The following CABCOCO1 variants were observed in gnomAD, a reference collection of about 807,000 sequenced individuals.
CABCOCO1 encodes the protein ciliary-associated calcium-binding coiled-coil protein 1.
In CABCOCO1, 28 loss-of-function variants were observed where a neutral mutation model predicts 35.7. The observed-to-expected ratio is 0.78, with a 90% confidence interval of 0.58 to 1.07. The LOEUF is 1.07. Among genes scored for constraint, CABCOCO1 ranks in the 50% least tolerant of loss-of-function variants. The pLI is 0.00. For synonymous variants in CABCOCO1, 95 were observed against 100.1 expected (o/e 0.95, Z 0.30); for missense variants, 326 against 309.2 (o/e 1.05, Z -0.41).
chr10:61,733,438 GGA>G (rs1286841489), intron 5 of CABCOCO1, among the ~76,000 whole-genome samples: 1 of 152,008 alleles, frequency 6.6e-6, no homozygotes, highest in Non-Finnish European at 1.5e-5. Context: ...TTCTAATCCA[GGA>G]GAAGGACTCA....
intron 5 of CABCOCO1, among the ~76,000 whole-genome samples, chr10:61,697,781 C>T (rs967673054): frequency 6.6e-5 from 10 of 152,008 alleles, no homozygotes; most frequent in Non-Finnish European, 2.9e-5. Context: ...AACTTATTAA[C>T]ATATTGATAG....
At chr10:61,719,767 A>G (rs1840954432) in intron 5 of CABCOCO1, among the ~76,000 whole-genome samples, 1 of 151,970 alleles carries the variant, frequency 6.6e-6, no homozygotes, top group African/African-American at 2.4e-5. Flanking sequence ...CAGAAATACA[A>G]AAAATTAGCT....
chr10:61,715,776 G>T (rs1370860573), intron 5 of CABCOCO1, among the ~76,000 whole-genome samples: 1 of 152,094 alleles, frequency 6.6e-6, no homozygotes, highest in African/African-American at 2.4e-5. Flanking sequence ...ATGAAGCTTA[G>T]TTTGGCTGGA....
intron 5 of CABCOCO1, among the ~76,000 whole-genome samples, chr10:61,706,426 A>G (rs1017311911): frequency 6.6e-6 from 1 of 152,202 alleles, no homozygotes; most frequent in African/African-American, 2.4e-5. Flanking sequence ...AATGTTCCTT[A>G]AGATAAACTC....
intron 5 of CABCOCO1, among the ~76,000 whole-genome samples, chr10:61,716,578 G>T (rs982816464): frequency 2.0e-5 from 3 of 152,034 alleles, no homozygotes; most frequent in Non-Finnish European, 4.4e-5. Flanking sequence ...CCCCTAAACT[G>T]AAAATAGCTC....
chr10:61,667,567 T>C (rs992773737), intron 1 of CABCOCO1, among the ~76,000 whole-genome samples: 1 of 151,784 alleles, frequency 6.6e-6, no homozygotes, highest in South Asian at 2.1e-4. Flanking sequence ...TCAAGTCTTG[T>C]TCTTGAAATT....
intron 5 of CABCOCO1, among the ~76,000 whole-genome samples, chr10:61,705,098 GA>G (rs1232660806): frequency 6.6e-6 from 1 of 152,132 alleles, no homozygotes; most frequent in Non-Finnish European, 1.5e-5. Context: ...TAAAGTTATG[GA>G]GAGAGGTGCT....
chr10:61,700,486 C>T lies in CABCOCO1; in HGVS notation c.552+9865C>T, dbSNP rs188489194. ...GTAGATTCAACAAAAATCAAATTCT[C>T]GAAAATTAAAATGAAACCATTGGCT... is the stretch of plus-strand genomic sequence containing the variant. On this transcript the variant is annotated intron_variant, in intron 5 of 7. Transcript: ENST00000648843. Among the ~76,000 whole-genome samples the T allele has an allele frequency of 2.0e-4, 31 of 152,004 alleles. No homozygotes were observed. The South Asian group carries it at 2.7e-3, about 13-fold the overall frequency.
intron 5 of CABCOCO1, among the ~76,000 whole-genome samples, chr10:61,703,371 T>C (rs891755647): frequency 1.3e-5 from 2 of 151,940 alleles, no homozygotes; most frequent in African/African-American, 4.8e-5. Flanking sequence ...GGGACTTTCA[T>C]ATAAAAAGAT....
intron 4 of CABCOCO1, among the ~76,000 whole-genome samples, chr10:61,686,930 T>C (rs1839983386): frequency 6.6e-6 from 1 of 152,208 alleles, no homozygotes; most frequent in African/African-American, 2.4e-5. Context: ...GGTTAAAATC[T>C]TTTGTCAAGC....
Position 61,709,686 on chromosome 10 carries a change from T to A in CABCOCO1, c.552+19065T>A, listed in dbSNP as rs577735331. On this transcript the variant is annotated intron_variant, in intron 5 of 7. Transcript: ENST00000648843. ...TGTTTGCCTGACTTACTTGTCCCCC[T>A]CAAATTTAAAAAAAAAAAAATGTAT... is the stretch of plus-strand genomic sequence containing the variant. Among the ~76,000 whole-genome samples the A allele has an allele frequency of 2.2e-3, 319 of 146,378 alleles. 3 individuals are homozygous for A. The highest frequency in any genetic ancestry group is 7.5e-3 in the African/African-American group (290 of 38,672).
At chr10:61,717,684 T>C (rs1437859028) in intron 5 of CABCOCO1, among the ~76,000 whole-genome samples, 1 of 152,074 alleles carries the variant, frequency 6.6e-6, no homozygotes, top group Non-Finnish European at 1.5e-5. Context: ...TTTAGGAAAT[T>C]AACAGGAAAG....
chr10:61,704,581 G>T (rs2132020568), intron 5 of CABCOCO1, among the ~76,000 whole-genome samples: 1 of 152,280 alleles, frequency 6.6e-6, no homozygotes, highest in African/African-American at 2.4e-5. Flanking sequence ...GACAGCTTGA[G>T]TGAAATATCA....
At chr10:61,721,692 T>G (rs1418356082) in intron 5 of CABCOCO1, among the ~76,000 whole-genome samples, 3 of 152,188 alleles carry the variant, frequency 2.0e-5, no homozygotes, top group Non-Finnish European at 4.4e-5. Context: ...CCCACCATTT[T>G]ACTTCCTGCT....
At chr10:61,680,523 T>TAA (rs1564532361) in intron 2 of CABCOCO1, among the ~76,000 whole-genome samples, 5 of 136,580 alleles carry the variant, frequency 3.7e-5, no homozygotes, top group Admixed American at 7.7e-5. Context: ...ATATAACATA[T>TAA]TATATGTTAT....
At chr10:61,720,917 CTTTTTT>C (rs71018996) in intron 5 of CABCOCO1, among the ~76,000 whole-genome samples, 3 of 65,974 alleles carry the variant, frequency 4.5e-5, no homozygotes, top group South Asian at 6.4e-4. Context: ...TCTTTTCATT[CTTTTTT>C]TTTTTTTTTT....
chr10:61,708,872 C>A (rs948533442), intron 5 of CABCOCO1, among the ~76,000 whole-genome samples: 2 of 152,032 alleles, frequency 1.3e-5, no homozygotes, highest in African/African-American at 2.4e-5. Flanking sequence ...TTCTTTTGTC[C>A]AATTTGTATT....
At chr10:61,760,476 A>G (rs181714027) in intron 6 of CABCOCO1, among the ~76,000 whole-genome samples, 1 of 152,180 alleles carries the variant, frequency 6.6e-6, no homozygotes, top group Non-Finnish European at 1.5e-5. Flanking sequence ...ATACAGAGTA[A>G]CATCATATCA....
intron 5 of CABCOCO1, among the ~76,000 whole-genome samples, chr10:61,695,745 A>C (rs1387383534): frequency 6.6e-6 from 1 of 152,040 alleles, no homozygotes; most frequent in African/African-American, 2.4e-5. Flanking sequence ...TAAGAAAATA[A>C]CTGTCAATCT....
Sources: gnomAD v4.1 joint callset for allele counts (sites outside exome capture counted in the v4.1 genomes callset) on GRCh38, gnomAD v4.1.1 for gene constraint, MANE v1.5 for transcripts, NCBI Gene and HGNC (gene_info 2026-07-23, HGNC 2026-07-21) for gene names.